Variants in XKR6 observed in about 807,000 individuals in gnomAD.
XKR6 encodes XK-related protein 6.
In XKR6, 22 loss-of-function variants were observed where a neutral mutation model predicts 56.7. The ratio of observed to expected loss-of-function variants is 0.39; its 90% CI spans 0.28 to 0.55. The LOEUF is 0.55. Ranked by LOEUF, XKR6 falls within the 20% of genes least tolerant of loss-of-function variation. The pLI is 0.66. For synonymous variants in XKR6, 524 were observed against 387.8 expected (o/e 1.35, Z -4.13); for missense variants, 852 against 889.0 (o/e 0.96, Z 0.53).
At chr8:11,146,225 A>G (rs759243437) in intron 1 of XKR6, among the ~76,000 whole-genome samples, 46 of 152,266 alleles carry the variant, frequency 3.0e-4, no homozygotes, top group Non-Finnish European at 5.7e-4. Context: ...ACAGAACTAG[A>G]TATTAAACTT....
At chr8:11,113,352 G>C (rs940120371) in intron 1 of XKR6, among the ~76,000 whole-genome samples, 2 of 151,980 alleles carry the variant, frequency 1.3e-5, no homozygotes, top group Admixed American at 1.3e-4. Flanking sequence ...TGGTCCATCA[G>C]AATACATTTA....
chr8:10,989,916 C>T (rs1382186851), intron 1 of XKR6, among the ~76,000 whole-genome samples: 1 of 152,192 alleles, frequency 6.6e-6, no homozygotes, highest in Admixed American at 6.5e-5. Context: ...GCTCTGTTTG[C>T]CACGTGTAAC....
intron 1 of XKR6, among the ~76,000 whole-genome samples, chr8:11,017,228 G>C (rs1439601941): frequency 6.6e-6 from 1 of 152,240 alleles, no homozygotes; most frequent in African/African-American, 2.4e-5. Context: ...GGTAGGCAGT[G>C]GGTAGATAGG....
rs541737587 is a variant in XKR6, at chr8:11,130,194, T to G, written c.764+70382A>C. ...GTGGCTGGTTGTGTGTATGTGTGTA[T>G]GTATTTAGGGTTAAGATGTGTGCAC... On this transcript the variant is annotated intron_variant, in intron 1 of 2. Coordinates refer to ENST00000416569, the MANE Select transcript of XKR6 (RefSeq NM_173683.4). Among the ~76,000 whole-genome samples the G allele has an allele frequency of 1.2e-4, 18 of 152,252 alleles. No homozygotes were observed. The East Asian group carries it at 3.5e-3, about 29-fold the overall frequency.
intron 1 of XKR6, chr8:11,138,543 T>C (rs889690895): frequency 2.0e-5 from 3 of 152,250 alleles, no homozygotes; most frequent in African/African-American, 7.2e-5. Flanking sequence ...TTCAGATTCC[T>C]ACTAAAATAA....
Position 11,167,625 on chromosome 8 carries a change from T to C in XKR6, c.764+32951A>G, listed in dbSNP as rs551332968. 9.2e-4 allele frequency among the ~76,000 whole-genome samples: 140 copies of C among 152,190 alleles called. 1 individual carries two copies. Among genetic ancestry groups the C allele is most frequent in the African/African-American group, 3.0e-3 (126 of 41,506 alleles). On this transcript the variant is annotated intron_variant, in intron 1 of 2. Transcript: ENST00000416569. ...AAGCATCCATATATATGGGTGAAAT[T>C]AGAAAGCCACACACATGCTCAGAAT...
chr8:10,945,693 T>C (rs192485833), intron 1 of XKR6, among the ~76,000 whole-genome samples: 2 of 152,314 alleles, frequency 1.3e-5, no homozygotes, highest in African/African-American at 4.8e-5. Context: ...AATGAACACA[T>C]TGGGCGACTT....
At chr8:10,980,635 G>C (rs10109201) in intron 1 of XKR6, among the ~76,000 whole-genome samples, 13,578 of 152,072 alleles carry the variant, frequency 0.089, 1,793 homozygotes, top group African/African-American at 0.29. Context: ...CATGTTACAC[G>C]GATCATGATT....
chr8:10,957,021 G>C (rs887042152), intron 1 of XKR6, among the ~76,000 whole-genome samples: 52 of 152,238 alleles, frequency 3.4e-4, no homozygotes, highest in Admixed American at 2.0e-4. Context: ...TGTGATCTTG[G>C]ATTGCTACAA....
At chr8:11,058,043 T>C (rs1193015364) in intron 1 of XKR6, among the ~76,000 whole-genome samples, 1 of 152,222 alleles carries the variant, frequency 6.6e-6, no homozygotes, top group East Asian at 1.9e-4. Context: ...ATCCCCAACT[T>C]ATTTTAGTCC....
At chr8:10,987,810 A>G (rs758703573) in intron 1 of XKR6, among the ~76,000 whole-genome samples, 8 of 152,170 alleles carry the variant, frequency 5.3e-5, no homozygotes, top group Non-Finnish European at 1.2e-4. Context: ...AGTCTTTCCC[A>G]AATGGCCTCC....
At chr8:10,912,692 TA>T (rs1330763281) in intron 2 of XKR6, among the ~76,000 whole-genome samples, 1 of 145,054 alleles carries the variant, frequency 6.9e-6, no homozygotes, top group African/African-American at 2.6e-5. Context: ...TGAGTGTATA[TA>T]TATATATATA....
chr8:11,063,516 CAAAA>C (rs35995429), intron 1 of XKR6, among the ~76,000 whole-genome samples: 8 of 120,730 alleles, frequency 6.6e-5, no homozygotes, highest in Non-Finnish European at 1.0e-4. Flanking sequence ...GGCCCTGTCT[CAAAA>C]AAAAAAAAAA....
intron 1 of XKR6, among the ~76,000 whole-genome samples, chr8:11,150,813 A>G (rs1364931871): frequency 6.9e-6 from 1 of 145,064 alleles, no homozygotes; most frequent in African/African-American, 2.7e-5. Flanking sequence ...AGATCAGGCC[A>G]CTGCACTCCA....
intron 1 of XKR6, among the ~76,000 whole-genome samples, chr8:10,981,293 A>G (rs1485247026): frequency 6.6e-6 from 1 of 152,194 alleles, no homozygotes; most frequent in African/African-American, 2.4e-5. Context: ...CTCCCATGGC[A>G]GGATTAACTC....
rs551637370 is a variant in XKR6, at chr8:11,132,001, C to G, written c.764+68575G>C. ...GACTGTGTATGTTTTTCCCCTAGTG[C>G]TGCTGGCCCGAAGAGCCATTATCTT... On this transcript the variant is annotated intron_variant, in intron 1 of 2. Transcript: ENST00000416569. Among the ~76,000 whole-genome samples, 4 of 152,216 alleles carry G rather than the reference C, an allele frequency of 2.6e-5. No individual in the cohort carries two copies. The South Asian group carries it at 8.3e-4, about 32-fold the overall frequency.
Position 11,094,564 on chromosome 8 carries a change from G to T in XKR6, c.764+106012C>A, listed in dbSNP as rs560460371. 3.7e-4 allele frequency among the ~76,000 whole-genome samples: 57 copies of T among 152,196 alleles called. 1 individual carries two copies. The highest frequency in any genetic ancestry group is 1.3e-3 in the African/African-American group (54 of 41,526). On this transcript the variant is annotated intron_variant, in intron 1 of 2. Transcript: ENST00000416569. ...TCAGAGGACCTCAGAAACAGAAAGG[G>T]ACTTCTCCTGGGAACCCTCTGTCTC...
At chr8:11,189,705 C>T (rs1258354036) in intron 1 of XKR6, among the ~76,000 whole-genome samples, 5 of 152,206 alleles carry the variant, frequency 3.3e-5, no homozygotes, top group African/African-American at 4.8e-5. Context: ...TGCTTCTCAT[C>T]CCTGTCTGTG....
At chr8:10,903,606 C>T (rs1009040959) in intron 2 of XKR6, among the ~76,000 whole-genome samples, 14 of 152,002 alleles carry the variant, frequency 9.2e-5, no homozygotes, top group Admixed American at 6.5e-5. Flanking sequence ...TAAGGTAAAA[C>T]GAGGCCGTTA....
Sources: gnomAD v4.1 joint callset for allele counts (sites outside exome capture counted in the v4.1 genomes callset) on GRCh38, gnomAD v4.1.1 for gene constraint, MANE v1.5 for transcripts, NCBI Gene and HGNC (gene_info 2026-07-23, HGNC 2026-07-21) for gene names.